Variants in TRPM3 observed in about 807,000 individuals in gnomAD.
TRPM3 encodes the protein long transient receptor potential channel 3.
Under a neutral mutation model 181.2 loss-of-function variants are expected in TRPM3, and 77 were observed. The ratio of observed to expected loss-of-function variants is 0.42; its 90% confidence interval spans 0.35 to 0.51. The LOEUF (loss-of-function observed/expected upper bound fraction) is 0.51, where lower values mean the gene tolerates loss of function less well. Among genes scored for constraint, TRPM3 ranks in the 20% least tolerant of loss-of-function variants. The pLI, the probability that TRPM3 is intolerant of heterozygous loss-of-function variation, is 0.01. For missense variants in TRPM3, 1,759 were observed against 2,196.7 expected (o/e 0.80, Z 3.98); for synonymous variants, 745 against 796.4 (o/e 0.94, Z 1.09).
intron 8 of TRPM3, among the ~76,000 whole-genome samples, chr9:70,757,015 G>A (rs1031219913): frequency 2.9e-4 from 42 of 143,598 alleles, no homozygotes; most frequent in Non-Finnish European, 4.3e-4. Flanking sequence ...ATAGAGACAC[G>A]AAAAACACTT....
chr9:70,633,064 T>C (rs1303905517), intron 12 of TRPM3, among the ~76,000 whole-genome samples: 5 of 152,214 alleles, frequency 3.3e-5, no homozygotes, highest in African/African-American at 4.8e-5. Context: ...GGCTGGGTCA[T>C]TGAATTGGAT....
chr9:70,693,215 A>G (rs2069108432), intron 8 of TRPM3, among the ~76,000 whole-genome samples: 1 of 152,212 alleles, frequency 6.6e-6, no homozygotes, highest in African/African-American at 2.4e-5. Context: ...TTGATCATAA[A>G]ACTGTGTAAT....
At chr9:70,556,990 A>G (rs1247363149) in intron 22 of TRPM3, among the ~76,000 whole-genome samples, 1 of 152,210 alleles carries the variant, frequency 6.6e-6, no homozygotes, top group Non-Finnish European at 1.5e-5. Flanking sequence ...CTTCTCAGGA[A>G]CTATGTTTTA....
At chr9:71,155,168 A>G (rs1191424549) in intron 1 of TRPM3, among the ~76,000 whole-genome samples, 1 of 152,168 alleles carries the variant, frequency 6.6e-6, no homozygotes, top group African/African-American at 2.4e-5. Context: ...AAACAATGAT[A>G]CATGTAGACT....
chr9:70,919,419 A>C (rs2096632439), intron 1 of TRPM3, among the ~76,000 whole-genome samples: 1 of 152,198 alleles, frequency 6.6e-6, no homozygotes, highest in Non-Finnish European at 1.5e-5. Context: ...CAATCTCTTA[A>C]TGTATATTTG....
rs555368752 is a variant in TRPM3, at chr9:71,362,495, C to T, written c.183+84158G>A. ...GTGGCTGGCCCTGAAGGATACTGTA[C>T]AGTAAATAGTAAAAGTACACTGTTA... On this transcript the variant is annotated intron_variant, in intron 1 of 24. Transcript: ENST00000357533. Among the ~76,000 whole-genome samples the T allele has an allele frequency of 3.9e-5, 6 of 152,276 alleles. No homozygotes were observed. In the South Asian group the frequency reaches 1.2e-3, roughly 32 times the overall value.
intron 1 of TRPM3, among the ~76,000 whole-genome samples, chr9:70,871,996 C>A (rs1422106804): frequency 6.6e-6 from 1 of 151,924 alleles, no homozygotes; most frequent in African/African-American, 2.4e-5. Flanking sequence ...ATGGAAAATG[C>A]ATATTTCATT....
chr9:70,663,451 A>C (rs967870784), intron 9 of TRPM3, among the ~76,000 whole-genome samples: 7 of 152,242 alleles, frequency 4.6e-5, no homozygotes, highest in Admixed American at 1.3e-4. Context: ...AAGTGAATGA[A>C]TGTCTCACCA....
chr9:71,039,421 C>T (rs953372116), intron 1 of TRPM3, among the ~76,000 whole-genome samples: 1 of 152,058 alleles, frequency 6.6e-6, no homozygotes, highest in Non-Finnish European at 1.5e-5. Context: ...GTCATAGTAT[C>T]AGTAGATGCT....
chr9:71,051,438 T>C (rs2060045336), intron 1 of TRPM3, among the ~76,000 whole-genome samples: 1 of 152,080 alleles, frequency 6.6e-6, no homozygotes, highest in Admixed American at 6.6e-5. Flanking sequence ...CTCATAGAGG[T>C]AGCCACGTAC....
At chr9:71,383,830 A>G (rs2092862429) in intron 1 of TRPM3, among the ~76,000 whole-genome samples, 1 of 152,232 alleles carries the variant, frequency 6.6e-6, no homozygotes, top group Non-Finnish European at 1.5e-5. Flanking sequence ...GCATAAGGCC[A>G]GTGTTTATTT....
At chr9:71,035,319 A>G (rs2058053367) in intron 1 of TRPM3, among the ~76,000 whole-genome samples, 1 of 152,096 alleles carries the variant, frequency 6.6e-6, no homozygotes, top group African/African-American at 2.4e-5. Flanking sequence ...AATAACAACA[A>G]CTCCCACAAT....
chr9:71,027,665 G>A (rs2056742457), intron 1 of TRPM3, among the ~76,000 whole-genome samples: 1 of 152,152 alleles, frequency 6.6e-6, no homozygotes, highest in Non-Finnish European at 1.5e-5. Flanking sequence ...ATTTCATAAT[G>A]CAATTGCAAG....
chr9:71,368,030 A>G (rs551001831), intron 1 of TRPM3, among the ~76,000 whole-genome samples: 5 of 151,974 alleles, frequency 3.3e-5, no homozygotes, highest in Non-Finnish European at 7.4e-5. Context: ...ACACACACAT[A>G]TGAGTATGTG....
chr9:70,691,372 AATGG>A (rs2068490915), intron 8 of TRPM3, among the ~76,000 whole-genome samples: 3 of 129,404 alleles, frequency 2.3e-5, no homozygotes, highest in African/African-American at 9.0e-5. Context: ...TTTATTTTAC[AATGG>A]ACTTGTCAGT....
Position 70,625,245 on chromosome 9 carries a change from G to C in TRPM3, c.1755C>G (p.Asn585Lys), listed in dbSNP as rs1370473289. The change falls in exon 14 of 26, where the codon AAC (asparagine) becomes AAG (lysine). Residue 585 changes from asparagine to lysine, a missense_variant. Physicochemically the swap from Asn to Lys is moderately conservative, Grantham distance 94. This residue lies in a region of TRPM3 where 737 missense variants were observed against 957.4 expected (regional missense o/e 0.77). Coordinates refer to ENST00000677713, the MANE Select transcript of TRPM3 (RefSeq NM_001366145.2). This position sits in a 1 kb window ranked among gnomAD's most constrained non-coding sequence, Gnocchi z 4.8. Reference sequence around the variant, plus strand: ...GGGTCCGGAAGCGCTTGCGCGTGTAGTTGCAGCGATAAGCCCCGCCCATCA... The same window carrying C: ...GGGTCCGGAAGCGCTTGCGCGTGTACTTGCAGCGATAAGCCCCGCCCATCA... Reference protein sequence around the residue: ...EYLMGGAYRCNYTRKRFRTLY... With the variant: ...EYLMGGAYRCKYTRKRFRTLY... 2 of 1,614,032 alleles carry C rather than the reference G, an allele frequency of 1.2e-6. No individual in the cohort carries two copies. Among genetic ancestry groups the C allele is most frequent in the Admixed American group, 3.3e-5 (2 of 60,000 alleles).
chr9:70,640,251 A>T lies in TRPM3; in HGVS notation c.1446+309T>A, dbSNP rs568107023. Among the ~76,000 whole-genome samples the T allele has an allele frequency of 1.2e-4, 19 of 152,334 alleles. No homozygotes were observed. The South Asian group carries it at 3.9e-3, about 32-fold the overall frequency. On this transcript the variant is annotated intron_variant, in intron 10 of 25. Transcript: ENST00000677713. The stretch of plus-strand genomic sequence containing the variant: ...TCTACCCCTTCCTTAATTTTAGTTA[A>T]TACAGATTTGTCTTATATTTTTTCA...
intron 1 of TRPM3, among the ~76,000 whole-genome samples, chr9:71,011,431 AC>A (rs1478670588): frequency 2.6e-5 from 4 of 152,152 alleles, no homozygotes; most frequent in East Asian, 3.9e-4. Flanking sequence ...CCAATTATAA[AC>A]AAAAAATCAT....
intron 6 of TRPM3, among the ~76,000 whole-genome samples, chr9:70,818,617 G>A (rs1007249113): frequency 2.0e-5 from 3 of 152,140 alleles, no homozygotes; most frequent in Non-Finnish European, 2.9e-5. Context: ...GAGTGGGTGC[G>A]GCCGAATTGG....
Sources: gnomAD v4.1 joint callset for allele counts (sites outside exome capture counted in the v4.1 genomes callset) on GRCh38, gnomAD v4.1.1 for gene constraint, gnomAD v4.1.1 regional missense constraint, Gnocchi (gnomAD v3.1) non-coding constraint, MANE v1.5 for transcripts, NCBI Gene and HGNC (gene_info 2026-07-23, HGNC 2026-07-21) for gene names.